Variants in UXS1 observed in about 807,000 individuals in gnomAD.
UXS1 encodes the protein UDP-glucuronate decarboxylase 1, also known as UDP-glucuronic acid decarboxylase 1.
A neutral mutation model predicts 62.6 loss-of-function variants in UXS1; 33 were observed. The ratio of observed to expected loss-of-function variants is 0.53; its 90% CI spans 0.40 to 0.70. The LOEUF is 0.70. Ranked by LOEUF, UXS1 falls within the 30% of genes least tolerant of loss-of-function variation. The pLI is 0.00. For synonymous variants in UXS1, 213 were observed against 206.8 expected (o/e 1.03, Z -0.26); for missense variants, 434 against 556.3 (o/e 0.78, Z 2.21).
chr2:106,129,767 A>G lies in UXS1; in HGVS notation c.484T>C (p.Tyr162His), dbSNP rs758015864. The G allele has an allele frequency of 3.1e-6, 5 of 1,605,596 alleles. No homozygotes were observed. The highest frequency in any genetic ancestry group is 2.2e-5 in the East Asian group (1 of 44,812). ...GGGGAGGCTGGAGATGCCAGATGGT[A>G]TATCTGGTCAACTAAAGGAGACAAA... Reference protein sequence around the residue: ...EPLYIEVDQIYHLASPASPPN... With the variant: ...EPLYIEVDQIHHLASPASPPN... Residue 162 changes from tyrosine to histidine, a missense_variant, in exon 7 of 15, where the codon TAC becomes CAC. Tyr to His is a moderately conservative substitution (Grantham distance 83). Transcript: ENST00000283148.
intron 5 of UXS1, among the ~76,000 whole-genome samples, chr2:106,152,954 G>A (rs1431034411): frequency 6.6e-6 from 1 of 152,110 alleles, no homozygotes; most frequent in African/African-American, 2.4e-5. Context: ...GTGGTTCAGA[G>A]GTTTTCCTGG....
intron 1 of UXS1, among the ~76,000 whole-genome samples, chr2:106,168,273 G>A (rs1228344421): frequency 1.3e-5 from 2 of 152,138 alleles, no homozygotes; most frequent in East Asian, 1.9e-4. Flanking sequence ...ACCTCTGGCC[G>A]TCCTCGCTGC....
intron 5 of UXS1, among the ~76,000 whole-genome samples, chr2:106,154,423 G>A (rs1682271464): frequency 6.6e-6 from 1 of 152,180 alleles, no homozygotes; most frequent in Admixed American, 6.5e-5. Context: ...GTTAAGATAA[G>A]GTTATACTGG....
rs114264739 is a variant in UXS1 at position 106,122,739 on chromosome 2, A to G, written c.759+231T>C. On this transcript the variant is annotated intron_variant, in intron 9 of 14. Coordinates refer to ENST00000283148, the MANE Select transcript of UXS1 (RefSeq NM_001253875.2). ...GAAGCATTCTGTTCATAGCCATAAA[A>G]TAGTATTCCAAACCCAAGAATTGAT... Among the ~76,000 whole-genome samples the G allele has an allele frequency of 6.5e-3, 993 of 152,360 alleles. 13 individuals are homozygous for G. Among genetic ancestry groups the G allele is most frequent in the African/African-American group, 0.023 (952 of 41,588 alleles).
chr2:106,142,147 T>C (rs1047847346), intron 6 of UXS1, among the ~76,000 whole-genome samples: 10 of 152,104 alleles, frequency 6.6e-5, no homozygotes, highest in Middle Eastern at 3.4e-3. Context: ...GCTGGGATTA[T>C]AGGTGTGAGC....
chr2:106,156,875 A>G (rs1040469455), intron 5 of UXS1, among the ~76,000 whole-genome samples: 1 of 152,230 alleles, frequency 6.6e-6, no homozygotes, highest in Non-Finnish European at 1.5e-5. Context: ...TACTGTATAA[A>G]TAAACTGTGG....
chr2:106,098,837 C>T, intron 12 of UXS1, 64 bp from the exon 13 acceptor site: 1 of 1,466,140 alleles, frequency 6.8e-7, no homozygotes, highest in Non-Finnish European at 9.5e-7. Flanking sequence ...CCACCCAGAC[C>T]ACAGGCGTGT....
At chr2:106,137,256 G>T (rs950148110) in intron 6 of UXS1, among the ~76,000 whole-genome samples, 1 of 152,156 alleles carries the variant, frequency 6.6e-6, no homozygotes, top group Non-Finnish European at 1.5e-5. Context: ...AATTTAACAA[G>T]ATACCTTTTA....
At chr2:106,188,937 A>G (rs781371755) in intron 1 of UXS1, among the ~76,000 whole-genome samples, 3 of 152,268 alleles carry the variant, frequency 2.0e-5, no homozygotes, top group Non-Finnish European at 4.4e-5. Flanking sequence ...TCACAGAACA[A>G]AAAAGAACTC....
At chr2:106,188,023 T>A (rs1293344836) in intron 1 of UXS1, among the ~76,000 whole-genome samples, 2 of 152,262 alleles carry the variant, frequency 1.3e-5, no homozygotes, top group African/African-American at 4.8e-5. Context: ...ATTACAGGCA[T>A]GAGCCACCGC....
At chr2:106,100,632 T>C (rs1175696110) in intron 12 of UXS1, 1 of 166,818 alleles carries the variant, frequency 6.0e-6, no homozygotes, top group African/African-American at 2.4e-5. Context: ...CGAGAAGCCA[T>C]GAAGGTGGTC....
At chr2:106,163,762 C>A in intron 3 of UXS1, 52 bp from the exon 4 acceptor site, 2 of 1,146,424 alleles carry the variant, frequency 1.7e-6, no homozygotes, top group Non-Finnish European at 2.4e-6. Flanking sequence ...CAGTTCTCAA[C>A]CCCTTTCACC....
Position 106,093,624 on chromosome 2 carries a change from A to G in UXS1, c.*402T>C, listed in dbSNP as rs926387629. The G allele has an allele frequency of 3.1e-5, 5 of 161,426 alleles. No homozygotes were observed. The highest frequency in any genetic ancestry group is 6.7e-5 in the Non-Finnish European group (5 of 74,372). 10.0% of individuals were successfully genotyped at this position (161,426 alleles called of 1,614,324 possible). ...TAGGATTTTTCTTTATGCATAGTAT[A>G]ACGACTCATTTATTAAGTACCCACT... On this transcript the variant is annotated 3_prime_UTR_variant, in exon 15 of 15. Transcript: ENST00000283148.
At chr2:106,127,973 C>A (rs893176883) in intron 7 of UXS1, among the ~76,000 whole-genome samples, 7 of 152,154 alleles carry the variant, frequency 4.6e-5, no homozygotes, top group Admixed American at 1.3e-4. Context: ...GTTCAGCAGC[C>A]CCCAACCCCC....
In UXS1 at chr2:106,168,563, G is replaced by A. The variant is rs547919126; in HGVS notation, c.95-2480C>T. On this transcript the variant is annotated intron_variant, in intron 1 of 14. Transcript: ENST00000283148. The stretch of plus-strand genomic sequence containing the variant: ...ATCCAAGAACCCTCTCTTGGGGTCC[G>A]GATCGGGACCCCTTTCCTGTAACAC... Among the ~76,000 whole-genome samples, 90 of 152,246 alleles carry A rather than the reference G, an allele frequency of 5.9e-4. No individual in the cohort carries two copies. The Middle Eastern group carries it at 0.01, about 17-fold the overall frequency.
At chr2:106,144,431 GTCAC>G (rs1376787383) in intron 6 of UXS1, among the ~76,000 whole-genome samples, 2 of 152,170 alleles carry the variant, frequency 1.3e-5, no homozygotes, top group East Asian at 1.9e-4. Context: ...GTTATAAAAT[GTCAC>G]TCAAACGAAA....
Position 106,117,749 on chromosome 2 carries a change from A to C in UXS1, c.760-4984T>G, listed in dbSNP as rs141424461. Among the ~76,000 whole-genome samples, 66 of 152,290 alleles carry C rather than the reference A, an allele frequency of 4.3e-4. 1 individual carries two copies. The East Asian group carries it at 0.012, about 28-fold the overall frequency. ...TATATGCACATCCCTAAAGCAACGG[A>C]GTCAGGCTGTGAGGGCTGAACCCCC... is the stretch of plus-strand genomic sequence containing the variant. On this transcript the variant is annotated intron_variant, in intron 9 of 14. Coordinates refer to ENST00000283148, the MANE Select transcript of UXS1 (RefSeq NM_001253875.2).
At chr2:106,178,446 ATATG>A (rs898420622) in intron 1 of UXS1, among the ~76,000 whole-genome samples, 13 of 152,272 alleles carry the variant, frequency 8.5e-5, no homozygotes, top group Admixed American at 2.6e-4. Context: ...GTGTATGTAT[ATATG>A]TATGTGTGTG....
chr2:106,112,584 C>T, intron 10 of UXS1, 62 bp downstream of exon 10: 1 of 1,592,372 alleles, frequency 6.3e-7, no homozygotes, highest in Non-Finnish European at 8.5e-7. Flanking sequence ...TATCCCTCAT[C>T]CTTTGTGAGC....
Sources: gnomAD v4.1 joint callset for allele counts (sites outside exome capture counted in the v4.1 genomes callset) on GRCh38, gnomAD v4.1.1 for gene constraint, MANE v1.5 for transcripts, NCBI Gene and HGNC (gene_info 2026-07-23, HGNC 2026-07-21) for gene names.